Variants in EDA observed in about 807,000 individuals in gnomAD.
EDA encodes the protein ectodysplasin-A.
EDA carries 2 observed loss-of-function variants against 23.6 expected under a neutral mutation model. That is an observed-to-expected ratio of 0.08 (90% CI 0.03 to 0.27). EDA has a LOEUF of 0.27. EDA is among the 10% of genes least tolerant of loss of function. The pLI, the probability that EDA is intolerant of heterozygous loss-of-function variation, is 1.00. For synonymous variants in EDA, 131 were observed against 132.0 expected (o/e 0.99, Z 0.05); for missense variants, 229 against 324.2 (o/e 0.71, Z 2.26).
At chrX:69,936,670 A>G (rs753604763) in intron 1 of EDA, among the ~76,000 whole-genome samples, 1 of 111,941 alleles carries the variant, frequency 8.9e-6, no homozygotes, top group East Asian at 2.8e-4. Flanking sequence ...AGAGGTTTTG[A>G]GTTAGAATCA....
intron 2 of EDA, among the ~76,000 whole-genome samples, chrX:69,981,275 T>C (rs981102859): frequency 4.5e-5 from 5 of 111,506 alleles, no homozygotes; most frequent in African/African-American, 1.6e-4. Context: ...TTGAGTACTA[T>C]TTCTACACTC....
intron 1 of EDA, among the ~76,000 whole-genome samples, chrX:69,675,557 A>G (rs1487318460): frequency 9.1e-6 from 1 of 109,417 alleles, no homozygotes. Context: ...GCCCTGCTAT[A>G]TGAATTCACT....
chrX:69,969,133 A>G (rs948154076), intron 2 of EDA, among the ~76,000 whole-genome samples: 3 of 112,180 alleles, frequency 2.7e-5, no homozygotes, highest in Non-Finnish European at 5.6e-5. Flanking sequence ...GTGCAGATCT[A>G]TTCTCCCTAT....
intron 1 of EDA, among the ~76,000 whole-genome samples, chrX:69,904,832 C>T (rs1178898313): frequency 1.8e-5 from 2 of 111,960 alleles, no homozygotes; most frequent in African/African-American, 6.5e-5. Context: ...CCAGTTCCAT[C>T]CATGTTGTTG....
chrX:69,712,748 A>G (rs911047815), intron 1 of EDA, among the ~76,000 whole-genome samples: 5 of 111,705 alleles, frequency 4.5e-5, no homozygotes, highest in Non-Finnish European at 9.4e-5. Context: ...GCTGCTGTAA[A>G]GACACATGCA....
At chrX:69,899,324 A>G (rs1240432134) in intron 1 of EDA, among the ~76,000 whole-genome samples, 1 of 111,838 alleles carries the variant, frequency 8.9e-6, no homozygotes, top group Non-Finnish European at 1.9e-5. Context: ...ACCATTGTTC[A>G]GGTTGTCATT....
At chrX:69,708,071 C>T (rs1430943640) in intron 1 of EDA, among the ~76,000 whole-genome samples, 1 of 111,531 alleles carries the variant, frequency 9.0e-6, no homozygotes, top group African/African-American at 3.3e-5. Flanking sequence ...TACTGGGGGT[C>T]ACTGGAGTTC....
intron 1 of EDA, among the ~76,000 whole-genome samples, chrX:69,721,940 A>C (rs2012597488): frequency 9.0e-6 from 1 of 111,611 alleles, no homozygotes; most frequent in Non-Finnish European, 1.9e-5. Flanking sequence ...AATTGAGGTT[A>C]CATTCACCAG....
intron 1 of EDA, among the ~76,000 whole-genome samples, chrX:69,711,202 AG>A (rs1437104238): frequency 1.7e-4 from 19 of 111,324 alleles, no homozygotes; most frequent in African/African-American, 5.2e-4. Flanking sequence ...TTTAGCATGA[AG>A]GGTTGTTGAA....
At chrX:69,852,476 A>G (rs1324757349) in intron 1 of EDA, among the ~76,000 whole-genome samples, 1 of 111,948 alleles carries the variant, frequency 8.9e-6, no homozygotes, top group Non-Finnish European at 1.9e-5. Flanking sequence ...ATAATCAGAC[A>G]TCACAAATAC....
At chrX:69,970,917 A>AG (rs1259457970) in intron 2 of EDA, among the ~76,000 whole-genome samples, 1 of 111,790 alleles carries the variant, frequency 8.9e-6, no homozygotes, top group Admixed American at 9.6e-5. Context: ...AAGAAATCTG[A>AG]GGTATAGTGT....
At chrX:69,833,753 C>G (rs1340166835) in intron 1 of EDA, among the ~76,000 whole-genome samples, 1 of 111,149 alleles carries the variant, frequency 9.0e-6, no homozygotes, top group Admixed American at 9.6e-5. Flanking sequence ...GATTCAACTT[C>G]TTTCTGGTTT....
intron 1 of EDA, among the ~76,000 whole-genome samples, chrX:69,753,542 A>T (rs749972919): frequency 8.9e-6 from 1 of 112,250 alleles, no homozygotes; most frequent in Admixed American, 9.5e-5. Flanking sequence ...GCTGAGAAGA[A>T]TGTATATTCT....
At chrX:69,678,389 T>C (rs770438387) in intron 1 of EDA, among the ~76,000 whole-genome samples, 33 of 111,806 alleles carry the variant, frequency 3.0e-4, no homozygotes, top group Non-Finnish European at 5.8e-4. Flanking sequence ...GGGGATGACA[T>C]TGAATCTGTA....
At chrX:69,923,257 C>T (rs2018462440) in intron 1 of EDA, among the ~76,000 whole-genome samples, 1 of 110,581 alleles carries the variant, frequency 9.0e-6, no homozygotes, top group Non-Finnish European at 1.9e-5. Flanking sequence ...GTTTGCTGCA[C>T]CTATTGACTC....
In EDA at chrX:69,759,754, G is replaced by A. The variant is rs886960636; in HGVS notation, c.396+143050G>A. On this transcript the variant is annotated intron_variant, in intron 1 of 7. Coordinates refer to ENST00000374552, the MANE Select transcript of EDA (RefSeq NM_001399.5). ...GTGCCTTCTTGGAAAGGTAGAGGTT[G>A]GAGAGGGAGTGGCCCAGGTGTGCAA... Among the ~76,000 whole-genome samples, 6 of 110,803 alleles carry A rather than the reference G, an allele frequency of 5.4e-5. 1 individual carries two copies. Among genetic ancestry groups the A allele is most frequent in the Admixed American group, 3.9e-4 (4 of 10,319 alleles).
At chrX:69,739,763 G>T (rs766929099) in intron 1 of EDA, among the ~76,000 whole-genome samples, 1 of 110,509 alleles carries the variant, frequency 9.0e-6, no homozygotes, top group South Asian at 3.8e-4. Context: ...TTACTCCTAG[G>T]TAGGTCTAGT....
intron 1 of EDA, among the ~76,000 whole-genome samples, chrX:69,781,554 C>T (rs1230269929): frequency 9.0e-6 from 1 of 111,555 alleles, no homozygotes. Flanking sequence ...TACTAATTGG[C>T]CCTTCACAGA....
intron 1 of EDA, among the ~76,000 whole-genome samples, chrX:69,676,410 G>A (rs755084686): frequency 2.7e-5 from 3 of 111,106 alleles, no homozygotes; most frequent in Admixed American, 9.6e-5. Flanking sequence ...TTGATTGAAC[G>A]TGGCATGTGA....
Sources: gnomAD v4.1 joint callset for allele counts (sites outside exome capture counted in the v4.1 genomes callset) on GRCh38, gnomAD v4.1.1 for gene constraint, MANE v1.5 for transcripts, NCBI Gene and HGNC (gene_info 2026-07-23, HGNC 2026-07-21) for gene names.